VPS13B: variants seen among roughly 807,000 people sequenced by gnomAD.
VPS13B encodes the protein intermembrane lipid transfer protein VPS13B.
VPS13B carries 285 observed loss-of-function variants against 426.4 expected under a neutral mutation model. The observed-to-expected ratio is 0.67, with a 90% CI of 0.61 to 0.74. VPS13B has a LOEUF of 0.74. Ranked by LOEUF, VPS13B falls within the 30% of genes least tolerant of loss-of-function variation. The pLI, the probability that VPS13B is intolerant of heterozygous loss-of-function variation, is 0.00. For synonymous variants in VPS13B, 1,676 were observed against 1,676.4 expected (o/e 1.00, Z 0.01); for missense variants, 4,537 against 4,782.6 (o/e 0.95, Z 1.51).
chr8:99,644,601 A>T (rs1320814634), intron 34 of VPS13B, among the ~76,000 whole-genome samples: 3 of 149,586 alleles, frequency 2.0e-5, no homozygotes, highest in Non-Finnish European at 4.5e-5. Context: ...AAAAAGGCTC[A>T]CATACTTTCT....
At chr8:99,574,486 A>G (rs1365136956) in intron 31 of VPS13B, among the ~76,000 whole-genome samples, 1 of 152,130 alleles carries the variant, frequency 6.6e-6, no homozygotes, top group African/African-American at 2.4e-5. Context: ...TCAATACCTA[A>G]TTTATTGAGA....
At chr8:99,760,369 C>A (rs937468678) in intron 39 of VPS13B, among the ~76,000 whole-genome samples, 7 of 152,130 alleles carry the variant, frequency 4.6e-5, no homozygotes, top group Non-Finnish European at 1.5e-5. Flanking sequence ...TTCAGCCCTT[C>A]AAAGAAAATA....
At chr8:99,291,808 A>T (rs1339100282) in intron 19 of VPS13B, among the ~76,000 whole-genome samples, 1 of 152,144 alleles carries the variant, frequency 6.6e-6, no homozygotes, top group Non-Finnish European at 1.5e-5. Context: ...AAATATTTTC[A>T]ATTAGCTTAC....
intron 20 of VPS13B, among the ~76,000 whole-genome samples, chr8:99,386,648 G>A (rs1159931594): frequency 6.6e-6 from 1 of 152,132 alleles, no homozygotes; most frequent in African/African-American, 2.4e-5. Context: ...TTGTTATGTG[G>A]CACATAATTA....
At chr8:99,727,625 C>A (rs539343694) in intron 39 of VPS13B, among the ~76,000 whole-genome samples, 1 of 152,202 alleles carries the variant, frequency 6.6e-6, no homozygotes, top group African/African-American at 2.4e-5. Context: ...CATTCACTAT[C>A]ACAAGAATAG....
intron 24 of VPS13B, among the ~76,000 whole-genome samples, chr8:99,470,585 A>C (rs901342860): frequency 5.0e-4 from 76 of 152,234 alleles, no homozygotes; most frequent in African/African-American, 1.4e-3. Context: ...GATCAGTAGA[A>C]ATTACTGAAT....
chr8:99,169,944 A>G, intron 15 of VPS13B, 95 bp from the exon 16 acceptor site: 1 of 1,401,330 alleles, frequency 7.1e-7, no homozygotes, highest in Non-Finnish European at 1.0e-6. Flanking sequence ...TTTAGTGTGC[A>G]GCTGTTGTAA....
At chr8:99,765,087 A>C (rs1378031538) in intron 39 of VPS13B, among the ~76,000 whole-genome samples, 1 of 152,128 alleles carries the variant, frequency 6.6e-6, no homozygotes, top group African/African-American at 2.4e-5. Context: ...CTCTACTAAA[A>C]ATACAAAAAT....
chr8:99,253,561 T>C (rs768356565), intron 17 of VPS13B, among the ~76,000 whole-genome samples: 1 of 152,188 alleles, frequency 6.6e-6, no homozygotes, highest in Non-Finnish European at 1.5e-5. Flanking sequence ...TTTTTATATA[T>C]TGATGTTTAT....
intron 17 of VPS13B, among the ~76,000 whole-genome samples, chr8:99,266,660 G>A (rs780223800): frequency 2.6e-5 from 4 of 152,180 alleles, no homozygotes; most frequent in East Asian, 1.9e-4. Context: ...CTAGAGGGAC[G>A]TGATGGTAGG....
At chr8:99,159,726 C>G (rs1811542874) in intron 15 of VPS13B, among the ~76,000 whole-genome samples, 1 of 152,200 alleles carries the variant, frequency 6.6e-6, no homozygotes, top group Non-Finnish European at 1.5e-5. Flanking sequence ...GTGGCATGAT[C>G]TTGGCTCACT....
intron 21 of VPS13B, among the ~76,000 whole-genome samples, chr8:99,425,764 C>T (rs1186612649): frequency 3.3e-5 from 5 of 152,100 alleles, no homozygotes; most frequent in African/African-American, 1.2e-4. Context: ...GTCAAATTGT[C>T]CCTGTTTGCA....
intron 22 of VPS13B, among the ~76,000 whole-genome samples, chr8:99,438,701 A>T (rs766675): frequency 1.3e-5 from 2 of 152,008 alleles, no homozygotes; most frequent in African/African-American, 2.4e-5. Flanking sequence ...ACTACATATG[A>T]TGATATCCAA....
intron 16 of VPS13B, among the ~76,000 whole-genome samples, chr8:99,182,818 CCT>C (rs1162931512): frequency 2.6e-5 from 4 of 152,206 alleles, no homozygotes; most frequent in African/African-American, 7.2e-5. Flanking sequence ...CTCACTGCAA[CCT>C]CTTTCTCCCA....
chr8:99,428,254 A>C (rs551374447), intron 21 of VPS13B, among the ~76,000 whole-genome samples: 6 of 152,352 alleles, frequency 3.9e-5, no homozygotes, highest in Admixed American at 3.9e-4. Flanking sequence ...AAAACACCAA[A>C]AGCAATGGCA....
chr8:99,669,548 ACATGG>A (rs1830622585), intron 35 of VPS13B, among the ~76,000 whole-genome samples: 1 of 152,208 alleles, frequency 6.6e-6, no homozygotes, highest in African/African-American at 2.4e-5. Context: ...AATTTAAATA[ACATGG>A]TTATATCAAA....
chr8:99,623,459 G>GT (rs1004845593), intron 33 of VPS13B, among the ~76,000 whole-genome samples: 1 of 152,108 alleles, frequency 6.6e-6, no homozygotes, highest in Non-Finnish European at 1.5e-5. Context: ...CACAAGGAGA[G>GT]TTTTTTTGTT....
At chr8:99,401,080 T>C (rs560690733) in intron 21 of VPS13B, among the ~76,000 whole-genome samples, 1 of 152,300 alleles carries the variant, frequency 6.6e-6, no homozygotes, top group African/African-American at 2.4e-5. Flanking sequence ...GCTGACATAA[T>C]TGGAAAGCTG....
chr8:99,669,990 A>G (rs1037234655), intron 35 of VPS13B, among the ~76,000 whole-genome samples: 3 of 152,120 alleles, frequency 2.0e-5, no homozygotes, highest in Non-Finnish European at 4.4e-5. Context: ...AAAATAGTAA[A>G]AGAGTTCTTA....
Sources: allele counts gnomAD v4.1 joint callset (sites outside exome capture counted in the v4.1 genomes callset), GRCh38; gene constraint gnomAD v4.1.1; transcripts MANE v1.5; gene names NCBI Gene and HGNC (gene_info 2026-07-23, HGNC 2026-07-21).